GATA2: variants seen among roughly 807,000 people sequenced by gnomAD.
GATA2 encodes GATA binding protein 2.
Under a neutral mutation model 35.7 loss-of-function variants are expected in GATA2, and 6 were observed. The observed-to-expected ratio is 0.17, with a 90% CI of 0.09 to 0.33. The LOEUF (loss-of-function observed/expected upper bound fraction) is 0.33, where lower values mean the gene tolerates loss of function less well. Ranked by LOEUF, GATA2 falls within the 10% of genes least tolerant of loss-of-function variation. GATA2 has a pLI of 1.00. For synonymous variants in GATA2, 313 were observed against 274.9 expected, an observed-to-expected ratio of 1.14 and a Z score of -1.37; for missense variants, 541 against 656.6, an observed-to-expected ratio of 0.82 and a Z score of 1.92.
intron 4 of GATA2, 55 bp downstream of exon 4, chr3:128,483,805 T>C (rs2068660101): frequency 6.2e-7 from 1 of 1,613,064 alleles, no homozygotes; most frequent in South Asian, 1.1e-5. Context: ...CCCCTGTAAT[T>C]AACCGCCAGC....
At chr3:128,482,020 C>T in intron 4 of GATA2, 76 bp from the exon 5 acceptor site, 2 of 1,572,596 alleles carry the variant, frequency 1.3e-6, no homozygotes, top group Non-Finnish European at 1.7e-6. Flanking sequence ...CTCGCTCCAC[C>T]CCCAGTCCCC....
Position 128,480,181 on chromosome 3 carries a change from G to T in GATA2, c.*838C>A. On this transcript the variant is annotated 3_prime_UTR_variant, in exon 6 of 6. Coordinates refer to ENST00000341105, the MANE Select transcript of GATA2 (RefSeq NM_032638.5). ...GCATTTTTTTAATATTTTTTCTTTT[G>T]TCTCAGAGTAGGAGGCGAGGGGGTT... The T allele has an allele frequency of 4.3e-6, 1 of 233,020 alleles. No homozygotes were observed. Among genetic ancestry groups the T allele is most frequent in the Non-Finnish European group, 8.5e-6 (1 of 117,986 alleles). The allele number at this position is 233,020 out of a possible 1,614,324, so 14.4% of individuals were successfully genotyped here. A position where few individuals can be genotyped will look rare whatever the true frequency, so the allele number is the denominator to read the frequency against.
At chr3:128,481,400 G>A (rs2068626868) in intron 5 of GATA2, 82 bp from the exon 6 acceptor site, 3 of 1,501,254 alleles carry the variant, frequency 2.0e-6, no homozygotes, top group Admixed American at 3.3e-5. Flanking sequence ...GTGGACCAGA[G>A]GCAGGTCAAG....
In GATA2 at chr3:128,486,957, G is replaced by A. The variant is rs1190021538; in HGVS notation, c.75C>T (p.His25=). The A allele has an allele frequency of 6.2e-6, 10 of 1,612,454 alleles. No homozygotes were observed. Among genetic ancestry groups the A allele is most frequent in the Non-Finnish European group, 8.5e-6 (10 of 1,179,376 alleles). ...TGTAGTTGTGCGCCAGGCCCGGGTGGTGTGAGTCGGGGTGCTGCGCATTCA... is the reference window on the plus strand; with the variant it reads ...TGTAGTTGTGCGCCAGGCCCGGGTGATGTGAGTCGGGGTGCTGCGCATTCA... ...AVLNAQHPDS[H]HPGLAHNYME... The change falls in exon 2 of 6, where the codon CAC becomes CAT. Residue 25 remains histidine (H), a synonymous_variant. Coordinates refer to ENST00000341105, the MANE Select transcript of GATA2 (RefSeq NM_032638.5).
Position 128,480,219 on chromosome 3 carries a change from G to C in GATA2, c.*800C>G, listed in dbSNP as rs752924336. On this transcript the variant is annotated 3_prime_UTR_variant, in exon 6 of 6. Coordinates refer to ENST00000341105, the MANE Select transcript of GATA2 (RefSeq NM_032638.5). ...AGGCGAGGGGGTTGAAGGGTTAGCAGAAAAAGGATGTATTTACAGGGTCCA... is the reference window on the plus strand; with the variant it reads ...AGGCGAGGGGGTTGAAGGGTTAGCACAAAAAGGATGTATTTACAGGGTCCA... 46 of 233,214 alleles carry C rather than the reference G, an allele frequency of 2.0e-4. No individual in the cohort carries two copies. Among genetic ancestry groups the C allele is most frequent in the Non-Finnish European group, 3.5e-4 (41 of 118,070 alleles). 14.4% of individuals were successfully genotyped at this position (233,214 alleles called of 1,614,324 possible).
chr3:128,485,263 A>G (rs112794520), intron 3 of GATA2, among the ~76,000 whole-genome samples: 138 of 152,296 alleles, frequency 9.1e-4, no homozygotes, highest in African/African-American at 3.2e-3. Context: ...AGAGACCCAG[A>G]TTCCTTAATG....
chr3:128,486,718 C>G, intron 2 of GATA2, 85 bp downstream of exon 2: 3 of 1,319,048 alleles, frequency 2.3e-6, no homozygotes, highest in Non-Finnish European at 3.2e-6. Context: ...ATCCTACATC[C>G]GGGAAGCAAG....
chr3:128,488,629 C>T lies in GATA2; in HGVS notation c.-45-1553G>A, dbSNP rs1230492005. 6.6e-6 allele frequency: 1 copy of T among 152,070 alleles called. No individual in the cohort carries two copies. The highest frequency in any genetic ancestry group is 1.5e-5 in the Non-Finnish European group (1 of 68,002). 9.4% of individuals were successfully genotyped at this position (152,070 alleles called of 1,614,324 possible). On this transcript the variant is annotated intron_variant, in intron 1 of 5. Transcript: ENST00000341105. The surrounding 1 kb of genome is among the most constrained non-coding windows in gnomAD (Gnocchi z 5.8). Reference sequence around the variant, plus strand: ...CGGGCCCAATTGCCTGGGGCGAGGCCGTGGAGACCCGGACTGGCGCCGGCG... The same window carrying T: ...CGGGCCCAATTGCCTGGGGCGAGGCTGTGGAGACCCGGACTGGCGCCGGCG...
chr3:128,481,403 A>C, intron 5 of GATA2, 85 bp from the exon 6 acceptor site: 1 of 1,482,112 alleles, frequency 6.7e-7, no homozygotes, highest in Non-Finnish European at 9.3e-7. Flanking sequence ...GACCAGAGGC[A>C]GGTCAAGCTG....
At chr3:128,481,712 C>T (rs1250137524) in intron 5 of GATA2, 107 bp downstream of exon 5, 2 of 1,403,378 alleles carry the variant, frequency 1.4e-6, no homozygotes, top group Non-Finnish European at 1.9e-6. Context: ...GCAGCAGCTT[C>T]CCAAGCCAAG....
At chr3:128,486,726 A>C in intron 2 of GATA2, 77 bp downstream of exon 2, 1 of 1,364,434 alleles carries the variant, frequency 7.3e-7, no homozygotes, top group Non-Finnish European at 1.0e-6. Flanking sequence ...TCCGGGAAGC[A>C]AGCAGACGGG....
intron 1 of GATA2, among the ~76,000 whole-genome samples, chr3:128,491,443 G>T (rs1450183719): frequency 6.6e-6 from 1 of 152,188 alleles, no homozygotes; most frequent in Non-Finnish European, 1.5e-5. Flanking sequence ...GCCCCACACT[G>T]GCAATAAACC....
rs2068619997 is a variant in GATA2, at chr3:128,481,051, G to A, written c.1411C>T (p.His471Tyr). 1.9e-6 allele frequency: 3 copies of A among 1,594,276 alleles called. No individual in the cohort carries two copies. In the South Asian group the frequency reaches 3.4e-5, roughly 18 times the overall value. ...PSSSLSFGHP[H>Y]PSSMVTAMG ...ATGGCGGTCACCATGCTGGACGGGT[G>A]GGGGTGGCCGAAGGAGAGGCTGGAG... The change falls in exon 6 of 6, where the codon CAC becomes TAC. Residue 471 changes from histidine to tyrosine, a missense_variant. His to Tyr is a moderately conservative substitution (Grantham distance 83). Transcript: ENST00000341105.
chr3:128,484,267 A>AG (rs1394550233), intron 3 of GATA2, among the ~76,000 whole-genome samples: 8 of 149,918 alleles, frequency 5.3e-5, no homozygotes, highest in Admixed American at 5.3e-4. Flanking sequence ...GGAGGAGGGG[A>AG]GGAGGGGCCC....
chr3:128,486,217 G>C lies in GATA2; in HGVS notation c.381C>G (p.His127Gln). Reference protein sequence around the residue: ...TVSPFSKTPLHPSAAGGPGGP... With the variant: ...TVSPFSKTPLQPSAAGGPGGP... ...CTCCAGGGCCTCCAGCAGCTGAGGG[G>C]TGCAGTGGCGTCTTGGAGAAGGGGC... Residue 127 changes from histidine (H) to glutamine (Q), a missense_variant, in exon 3 of 6, where the codon CAC becomes CAG. His to Gln is a conservative substitution (Grantham distance 24). Around this residue, in one of 5 missense-constraint regions of GATA2, gnomAD observed 389 missense variants for 396.9 expected, o/e 0.98. Transcript: ENST00000341105. 1 of 1,560,642 alleles carries C rather than the reference G, an allele frequency of 6.4e-7. No homozygotes were observed. The highest frequency in any genetic ancestry group is 8.7e-7 in the Non-Finnish European group (1 of 1,152,510).
intron 4 of GATA2, chr3:128,482,227 C>T (rs994008270): frequency 8.4e-6 from 4 of 478,522 alleles, no homozygotes; most frequent in South Asian, 2.3e-5. Context: ...AACTACCCTG[C>T]GCTCTAACTC....
In GATA2 at chr3:128,487,080, C is replaced by T. The variant is rs1396755815; in HGVS notation, c.-45-4G>A. On this transcript the variant is annotated splice_region_variant and splice_polypyrimidine_tract_variant and intron_variant, in intron 1 of 5. Transcript: ENST00000341105. ...CTGGGTGCAGACGGCAACGGCCCTG[C>T]GCGAGGAAGGGGGAGTGAGGCGTGC... 2 of 1,466,962 alleles carry T rather than the reference C, an allele frequency of 1.4e-6. No individual in the cohort carries two copies. Among genetic ancestry groups the T allele is most frequent in the Non-Finnish European group, 1.8e-6 (2 of 1,089,172 alleles). The allele number at this position is 1,466,962 out of a possible 1,614,324, so 90.9% of individuals were successfully genotyped here. A position where few individuals can be genotyped will look rare whatever the true frequency, so the allele number is the denominator to read the frequency against.
intron 1 of GATA2, among the ~76,000 whole-genome samples, chr3:128,491,500 G>A (rs1258046048): frequency 6.6e-6 from 1 of 151,894 alleles, no homozygotes; most frequent in African/African-American, 2.4e-5. Context: ...GATGGGTTCA[G>A]AAGTTCCCTT....
chr3:128,481,787 G>C, intron 5 of GATA2, 32 bp downstream of exon 5: 1 of 1,604,662 alleles, frequency 6.2e-7, no homozygotes, highest in Non-Finnish European at 8.5e-7. Flanking sequence ...TCCCCTGGGA[G>C]GGGCGGGGTG....
Sources: gnomAD v4.1 joint callset for allele counts (sites outside exome capture counted in the v4.1 genomes callset) on GRCh38, gnomAD v4.1.1 for gene constraint, gnomAD v4.1.1 regional missense constraint, Gnocchi (gnomAD v3.1) non-coding constraint, MANE v1.5 for transcripts, NCBI Gene and HGNC (gene_info 2026-07-23, HGNC 2026-07-21) for gene names.